The following PLEKHG7 variants were observed in gnomAD, a reference collection of about 807,000 sequenced individuals.
PLEKHG7 encodes the protein pleckstrin homology domain-containing family G member 7.
In PLEKHG7, 77 loss-of-function variants were observed where a neutral mutation model predicts 85.2. That is an observed-to-expected ratio of 0.90 (90% CI 0.75 to 1.09). The LOEUF (loss-of-function observed/expected upper bound fraction) is 1.09. PLEKHG7 is among the 50% of genes least tolerant of loss of function. The probability of loss-of-function intolerance (pLI) is 0.00; values close to 1 mark genes in which losing one functional copy is unlikely to be tolerated. For missense variants in PLEKHG7, 777 were observed against 804.3 expected, an observed-to-expected ratio of 0.97 and a Z score of 0.41; for synonymous variants, 301 against 302.4, an observed-to-expected ratio of 1.00 and a Z score of 0.05.
chr12:92,753,435 G>A (rs1872745256), intron 10 of PLEKHG7, among the ~76,000 whole-genome samples: 1 of 152,072 alleles, frequency 6.6e-6, no homozygotes, highest in Non-Finnish European at 1.5e-5. Flanking sequence ...ATAACCCATG[G>A]CAATACTTAC....
intron 9 of PLEKHG7, among the ~76,000 whole-genome samples, chr12:92,742,219 G>A (rs1216308489): frequency 4.6e-5 from 7 of 152,192 alleles, no homozygotes; most frequent in Non-Finnish European, 7.3e-5. Flanking sequence ...CAAGTGCTAT[G>A]TATGGAGCCA....
Position 92,730,811 on chromosome 12 carries a change from A to G in PLEKHG7, c.659-1422A>G, listed in dbSNP as rs566909075. ...AAGGAACAAGTTCATCGCTGCTTCT[A>G]CATCTCACTAGCTGTTATTTTTGTG... On this transcript the variant is annotated intron_variant, in intron 4 of 16. Coordinates refer to ENST00000344636, the MANE Select transcript of PLEKHG7 (RefSeq NM_001377329.1). Among the ~76,000 whole-genome samples, 12 of 152,326 alleles carry G rather than the reference A, an allele frequency of 7.9e-5. No individual in the cohort carries two copies. In the East Asian group the frequency reaches 2.1e-3, roughly 27 times the overall value.
intron 2 of PLEKHG7, 142 bp from the exon 3 acceptor site, chr12:92,707,508 T>C: frequency 6.8e-7 from 1 of 1,469,154 alleles, no homozygotes; most frequent in Non-Finnish European, 9.0e-7. Flanking sequence ...AAAGAGCCAG[T>C]TATTCAAATT....
chr12:92,737,774 A>G (rs1872219680), intron 7 of PLEKHG7, among the ~76,000 whole-genome samples: 1 of 151,596 alleles, frequency 6.6e-6, no homozygotes, highest in Non-Finnish European at 1.5e-5. Context: ...GAAGGAAGGG[A>G]AAGAGAGGGA....
chr12:92,716,964 A>T (rs1487451897), intron 3 of PLEKHG7, among the ~76,000 whole-genome samples: 2 of 152,218 alleles, frequency 1.3e-5, no homozygotes, highest in Non-Finnish European at 2.9e-5. Flanking sequence ...TTTGCATTTT[A>T]ACAAAAGACA....
intron 11 of PLEKHG7, among the ~76,000 whole-genome samples, chr12:92,755,001 T>G (rs1387852745): frequency 6.6e-6 from 1 of 152,254 alleles, no homozygotes; most frequent in African/African-American, 2.4e-5. Context: ...TTTTAAATTT[T>G]TTATTCAAAT....
At chr12:92,757,332 C>A (rs924764454) in intron 13 of PLEKHG7, among the ~76,000 whole-genome samples, 6 of 152,156 alleles carry the variant, frequency 3.9e-5, no homozygotes, top group Admixed American at 3.3e-4. Flanking sequence ...GGTTTTAAAT[C>A]ATTTATTTAT....
At chr12:92,740,274 T>G (rs1028316375) in intron 7 of PLEKHG7, among the ~76,000 whole-genome samples, 5 of 152,232 alleles carry the variant, frequency 3.3e-5, no homozygotes, top group African/African-American at 1.2e-4. Flanking sequence ...GATTGTACTT[T>G]TTTTTGACTT....
intron 7 of PLEKHG7, among the ~76,000 whole-genome samples, chr12:92,739,577 A>C (rs572050379): frequency 7.2e-4 from 110 of 152,332 alleles, no homozygotes; most frequent in African/African-American, 2.6e-3. Context: ...GAAAAGGCCA[A>C]TTTGAGCTCA....
intron 3 of PLEKHG7, among the ~76,000 whole-genome samples, chr12:92,714,594 G>A (rs1480741365): frequency 2.0e-5 from 3 of 152,158 alleles, no homozygotes; most frequent in Admixed American, 1.3e-4. Context: ...CAAATTTTGA[G>A]GCTCAGTGTC....
chr12:92,746,298 G>A (rs1050765909), intron 10 of PLEKHG7, among the ~76,000 whole-genome samples: 4 of 152,336 alleles, frequency 2.6e-5, no homozygotes, highest in Admixed American at 2.0e-4. Context: ...CTTCCCTGCA[G>A]CTGCGAGAAG....
In PLEKHG7 at chr12:92,769,039, A is replaced by T. The variant is rs753126257; in HGVS notation, c.1927A>T (p.Ile643Leu). 2.5e-5 allele frequency: 40 copies of T among 1,603,568 alleles called. No individual in the cohort carries two copies. Among genetic ancestry groups the T allele is most frequent in the Non-Finnish European group, 2.8e-5 (33 of 1,171,948 alleles). ...IQHENRYRQC[I>L]AAFLLQAQTE... ...ACACGAAAACAGATATCGACAGTGT[A>T]TAGCAGCATTCTTATTACAAGCCCA... Residue 643 changes from isoleucine (I) to leucine (L), a missense_variant, in exon 16 of 17, where the codon ATA (isoleucine) becomes TTA (leucine). Coordinates refer to ENST00000344636, the MANE Select transcript of PLEKHG7 (RefSeq NM_001377329.1).
intron 3 of PLEKHG7, among the ~76,000 whole-genome samples, chr12:92,719,997 G>A (rs748026844): frequency 6.2e-4 from 95 of 152,306 alleles, no homozygotes; most frequent in Admixed American, 9.2e-4. Context: ...ACAGGCCAAG[G>A]TCACAGTTGG....
At chr12:92,739,784 T>C (rs1165477838) in intron 7 of PLEKHG7, among the ~76,000 whole-genome samples, 1 of 152,188 alleles carries the variant, frequency 6.6e-6, no homozygotes, top group African/African-American at 2.4e-5. Flanking sequence ...TCTTCCAAAT[T>C]GTCCTAATCT....
At chr12:92,744,984 T>C (rs1444774311) in intron 9 of PLEKHG7, among the ~76,000 whole-genome samples, 1 of 152,208 alleles carries the variant, frequency 6.6e-6, no homozygotes, top group African/African-American at 2.4e-5. Context: ...CCAAAATTTC[T>C]ACATGTTTAG....
At chr12:92,761,625 AGAAAGAAAGAAAGAAAGAAAGAAAGAAAG>A (rs1873007563) in intron 13 of PLEKHG7, 98 bp from the exon 14 acceptor site, 2 of 62,100 alleles carry the variant, frequency 3.2e-5, no homozygotes, top group African/African-American at 6.3e-4. Context: ...GAAAGAAAGA[AGAAAGAAAGAAAGAAAGAAAGAAAGAAAG>A]AAAGAAAGAA....
chr12:92,760,347 C>T (rs561170384), intron 13 of PLEKHG7, among the ~76,000 whole-genome samples: 2 of 152,172 alleles, frequency 1.3e-5, no homozygotes, highest in East Asian at 3.9e-4. Flanking sequence ...AAAAACTATT[C>T]AAGGACTATT....
intron 4 of PLEKHG7, among the ~76,000 whole-genome samples, chr12:92,730,137 C>T (rs903759952): frequency 6.6e-6 from 1 of 152,170 alleles, no homozygotes; most frequent in Non-Finnish European, 1.5e-5. Flanking sequence ...CCAGTGAATA[C>T]ATCATAACTA....
At chr12:92,724,509 TAAGG>T (rs1216386708) in intron 3 of PLEKHG7, among the ~76,000 whole-genome samples, 1 of 152,144 alleles carries the variant, frequency 6.6e-6, no homozygotes, top group Non-Finnish European at 1.5e-5. Context: ...TCTGTGTCAG[TAAGG>T]ATAGCATTTG....
Sources: allele counts gnomAD v4.1 joint callset (sites outside exome capture counted in the v4.1 genomes callset), GRCh38; gene constraint gnomAD v4.1.1; transcripts MANE v1.5; gene names NCBI Gene and HGNC (gene_info 2026-07-23, HGNC 2026-07-21).